The following ATP5PF variants were observed in gnomAD, a reference collection of about 807,000 sequenced individuals.
The protein encoded by ATP5PF is ATP synthase peripheral stalk subunit F6, mitochondrial.
Under a neutral mutation model 12.0 loss-of-function variants are expected in ATP5PF, and 7 were observed. The ratio of observed to expected loss-of-function variants is 0.58; its 90% CI spans 0.33 to 1.10. The LOEUF is 1.10. Ranked by LOEUF, ATP5PF falls within the 50% of genes least tolerant of loss-of-function variation. The probability of loss-of-function intolerance (pLI) is 0.03; values close to 1 mark genes in which losing one functional copy is unlikely to be tolerated. For synonymous variants in ATP5PF, 41 were observed against 45.4 expected (o/e 0.90, Z 0.39); for missense variants, 120 against 127.7 (o/e 0.94, Z 0.29).
chr21:25,732,375 A>T (rs1239711627), intron 1 of ATP5PF, among the ~76,000 whole-genome samples: 1 of 151,666 alleles, frequency 6.6e-6, no homozygotes, highest in African/African-American at 2.4e-5. Flanking sequence ...AGCCAGGTGC[A>T]GCGGATCATG....
At chr21:25,730,736 C>CACACAAAAA (rs1219090743) in intron 1 of ATP5PF, among the ~76,000 whole-genome samples, 1 of 31,880 alleles carries the variant, frequency 3.1e-5, no homozygotes, top group Non-Finnish European at 7.0e-5. Context: ...CTCCGTCTCA[C>CACACAAAAA]AAAAAAAAAA....
chr21:25,735,023 G>A (rs1004030356), upstream of ATP5PF: 1 of 1,513,466 alleles, frequency 6.6e-7, no homozygotes, highest in Non-Finnish European at 8.9e-7. Context: ...GTCTGCGACC[G>A]GACGGGTCTA....
At chr21:25,735,037 G>T, upstream of ATP5PF, 1 of 1,436,554 alleles carries the variant, frequency 7.0e-7, no homozygotes, top group Middle Eastern at 1.7e-4. Context: ...GGGTCTAGGT[G>T]AGACAGAAGC....
chr21:25,733,510 G>C (rs1016493361), intron 1 of ATP5PF, among the ~76,000 whole-genome samples: 1 of 151,914 alleles, frequency 6.6e-6, no homozygotes, highest in African/African-American at 2.4e-5. Context: ...CTGGGCGACA[G>C]AGCGAGACTC....
At chr21:25,734,981 A>G (rs780429739), upstream of ATP5PF, 8 of 1,560,126 alleles carry the variant, frequency 5.1e-6, no homozygotes, top group South Asian at 3.5e-5. Context: ...CAGTCGGTCG[A>G]CGCTCACCGG....
rs2034957488 is a variant in ATP5PF at position 25,734,821 on chromosome 21, G to C, written c.-8+32C>G. 2.6e-6 allele frequency: 4 copies of C among 1,526,736 alleles called. No homozygotes were observed. In the East Asian group the frequency reaches 9.8e-5, roughly 38 times the overall value. The allele number at this position is 1,526,736 out of a possible 1,614,324, so 94.6% of individuals were successfully genotyped here. On this transcript the variant is annotated intron_variant, in intron 1 of 3. Coordinates refer to ENST00000284971, the MANE Select transcript of ATP5PF (RefSeq NM_001003703.2). ...AAAACCCAGAACTGGAGTCCCAAAAGGCCACGCTGATCTAGCTACCCTCCC... is the reference window on the plus strand; with the variant it reads ...AAAACCCAGAACTGGAGTCCCAAAACGCCACGCTGATCTAGCTACCCTCCC...
chr21:25,735,351 G>T, upstream of ATP5PF: 1 of 224,522 alleles, frequency 4.5e-6, no homozygotes, highest in African/African-American at 2.3e-5. Context: ...GTCGTTTTGC[G>T]CACCCTGCCG....
intron 3 of ATP5PF, 169 bp from the exon 4 acceptor site, chr21:25,724,846 C>A: frequency 1.5e-6 from 1 of 670,630 alleles, no homozygotes; most frequent in Non-Finnish European, 2.5e-6. Flanking sequence ...TTCTATGAGC[C>A]ATGCATTCCA....
At position 25,734,858 on chromosome 21, in the gene ATP5PF, A is replaced by C. The variant is rs1601096557; in HGVS notation, c.-13T>G. On this transcript the variant is annotated 5_prime_UTR_variant, in exon 1 of 4. Transcript: ENST00000284971. ...CTAGCTACCCTCCCAGTCACCTTGCACTCAGTCCCGAGCTGCCAAAGCCTC... is the reference window on the plus strand; with the variant it reads ...CTAGCTACCCTCCCAGTCACCTTGCCCTCAGTCCCGAGCTGCCAAAGCCTC... The C allele has an allele frequency of 6.5e-7, 1 of 1,541,532 alleles. No homozygotes were observed. The highest frequency in any genetic ancestry group is 8.7e-7 in the Non-Finnish European group (1 of 1,147,256).
intron 1 of ATP5PF, among the ~76,000 whole-genome samples, chr21:25,733,256 G>A (rs979555455): frequency 6.6e-6 from 1 of 151,962 alleles, no homozygotes; most frequent in Non-Finnish European, 1.5e-5. Context: ...GTGGTCGGGC[G>A]CGGTGGCTCA....
At chr21:25,732,805 G>T (rs1426859252) in intron 1 of ATP5PF, among the ~76,000 whole-genome samples, 1 of 151,646 alleles carries the variant, frequency 6.6e-6, no homozygotes, top group African/African-American at 2.4e-5. Flanking sequence ...CCAACATGGA[G>T]AAACCCCGTC....
In ATP5PF at chr21:25,732,985, CAAAA is replaced by C. The variant is rs370858284; in HGVS notation, c.-8+1864_-8+1867del. On this transcript the variant is annotated intron_variant, in intron 1 of 3. Transcript: ENST00000284971. ...GGGCAACAAGAGTGAAACTCTGTCT[CAAAA>C]AAAAAAAAAAAAAAAAAAAAAAAGA... Among the ~76,000 whole-genome samples the C allele has an allele frequency of 8.4e-3, 403 of 47,768 alleles. 1 individual carries two copies. Among genetic ancestry groups the C allele is most frequent in the African/African-American group, 0.031 (374 of 11,938 alleles). The allele number at this position is 47,768 out of a possible 152,430, so 31.3% of individuals were successfully genotyped here.
intron 1 of ATP5PF, among the ~76,000 whole-genome samples, chr21:25,731,900 C>T (rs1033125745): frequency 6.6e-6 from 1 of 152,092 alleles, no homozygotes; most frequent in Non-Finnish European, 1.5e-5. Context: ...GCCTGGGAAA[C>T]ATGGAGAGAA....
upstream of ATP5PF, chr21:25,735,083 G>A (rs1260773137): frequency 1.7e-5 from 16 of 943,380 alleles, no homozygotes; most frequent in Non-Finnish European, 2.5e-5. Context: ...AAGTGCTTCC[G>A]GGTCCCCTGG....
upstream of ATP5PF, chr21:25,735,017 G>A: frequency 6.6e-7 from 1 of 1,523,872 alleles, no homozygotes; most frequent in Non-Finnish European, 8.9e-7. Context: ...GAGACAGTCT[G>A]CGACCGGACG....
chr21:25,730,936 G>T (rs2034757283), intron 1 of ATP5PF, among the ~76,000 whole-genome samples: 1 of 151,820 alleles, frequency 6.6e-6, no homozygotes, highest in Admixed American at 6.6e-5. Flanking sequence ...GTACAAACAG[G>T]AATTCTAGAA....
chr21:25,732,839 C>T (rs1235222561), intron 1 of ATP5PF, among the ~76,000 whole-genome samples: 2 of 151,268 alleles, frequency 1.3e-5, no homozygotes, highest in African/African-American at 2.4e-5. Context: ...CAAAATTAGC[C>T]GGGAGTGGTG....
chr21:25,732,093 T>C (rs894640041), intron 1 of ATP5PF, among the ~76,000 whole-genome samples: 1 of 152,084 alleles, frequency 6.6e-6, no homozygotes, highest in Non-Finnish European at 1.5e-5. Context: ...AGTCGCACAA[T>C]AGTTCTCAAA....
At chr21:25,734,754 TCTC>T (rs2034952160) in intron 1 of ATP5PF, 96 bp downstream of exon 1, 1 of 1,232,946 alleles carries the variant, frequency 8.1e-7, no homozygotes, top group African/African-American at 1.5e-5. Context: ...AGAGCTGCTC[TCTC>T]CTCCTAGTAA....
Sources: allele counts gnomAD v4.1 joint callset (sites outside exome capture counted in the v4.1 genomes callset), GRCh38; gene constraint gnomAD v4.1.1; transcripts MANE v1.5; gene names NCBI Gene and HGNC (gene_info 2026-07-23, HGNC 2026-07-21).